The following SV2C variants were observed in gnomAD, a reference collection of about 807,000 sequenced individuals.
SV2C encodes the protein solute carrier family 22 member B3.
A neutral mutation model predicts 79.7 loss-of-function variants in SV2C; 49 were observed. That is an observed-to-expected ratio of 0.61 (90% CI 0.49 to 0.78). SV2C has a LOEUF of 0.78. Among genes scored for constraint, SV2C ranks in the 30% least tolerant of loss-of-function variants. The probability of loss-of-function intolerance (pLI) is 0.00; values close to 1 mark genes in which losing one functional copy is unlikely to be tolerated. For missense variants in SV2C, 833 were observed against 912.9 expected, an observed-to-expected ratio of 0.91 and a Z score of 1.13; for synonymous variants, 334 against 333.2, an observed-to-expected ratio of 1.00 and a Z score of -0.03.
the SV2C span, among the ~76,000 whole-genome samples, chr5:75,896,100 A>G: frequency 1.1e-4 from 17 of 151,864 alleles, 1 homozygote; most frequent in Non-Finnish European, 1.5e-4. Flanking sequence ...TTTAGGGTAC[A>G]TGTGCACAAT....
the SV2C span, among the ~76,000 whole-genome samples, chr5:75,942,981 T>C: frequency 2.6e-5 from 4 of 152,116 alleles, no homozygotes; most frequent in Admixed American, 6.5e-5. Context: ...CTGAGCAACA[T>C]AGTCAGACCC....
At chr5:75,909,780 C>T in the SV2C span, among the ~76,000 whole-genome samples, 120 of 152,198 alleles carry the variant, frequency 7.9e-4, no homozygotes, top group Non-Finnish European at 4.3e-4. Flanking sequence ...TTTCATTTAT[C>T]CTCCCAACTT....
downstream of SV2C, among the ~76,000 whole-genome samples, chr5:76,336,044 CG>C (rs1344535168): frequency 7.3e-6 from 1 of 137,346 alleles, no homozygotes; most frequent in African/African-American, 2.7e-5. Context: ...GCTAGCCGGG[CG>C]GGGGGCTGAC....
chr5:76,334,905 G>C (rs2112580301), downstream of SV2C, among the ~76,000 whole-genome samples: 1 of 152,304 alleles, frequency 6.6e-6, no homozygotes, highest in South Asian at 2.1e-4. Flanking sequence ...AACAAAATGG[G>C]GGGTTTGTAA....
At chr5:76,135,685 T>A (rs1411483638) in intron 2 of SV2C, among the ~76,000 whole-genome samples, 2 of 152,202 alleles carry the variant, frequency 1.3e-5, no homozygotes, top group Non-Finnish European at 2.9e-5. Flanking sequence ...AGTGAAAATG[T>A]GTCCTGCTGA....
the SV2C span, among the ~76,000 whole-genome samples, chr5:76,038,359 G>A: frequency 1.3e-5 from 2 of 152,344 alleles, no homozygotes; most frequent in Non-Finnish European, 2.9e-5. Flanking sequence ...TGCTCTAAAA[G>A]TGGGAATAGT....
At chr5:76,022,594 C>T in the SV2C span, among the ~76,000 whole-genome samples, 12 of 152,244 alleles carry the variant, frequency 7.9e-5, no homozygotes, top group South Asian at 4.2e-4. Flanking sequence ...CCTTCTGTAC[C>T]GGATGCGGTA....
intron 11 of SV2C, 23 bp downstream of exon 11, chr5:76,300,955 A>G (rs1747974826): frequency 6.2e-7 from 1 of 1,612,552 alleles, no homozygotes; most frequent in Admixed American, 1.7e-5. Context: ...TTTCATGTCA[A>G]ATAAAAGAGC....
At chr5:75,942,845 T>C in the SV2C span, among the ~76,000 whole-genome samples, 3 of 152,168 alleles carry the variant, frequency 2.0e-5, no homozygotes, top group African/African-American at 7.2e-5. Context: ...TTTGTTAAGG[T>C]TGACACTGTG....
the SV2C span, among the ~76,000 whole-genome samples, chr5:75,972,845 A>G: frequency 6.6e-6 from 1 of 152,154 alleles, no homozygotes; most frequent in Non-Finnish European, 1.5e-5. Flanking sequence ...CCAAAGGATT[A>G]TAAATCATGC....
the SV2C span, among the ~76,000 whole-genome samples, chr5:75,902,083 G>A: frequency 3.9e-5 from 6 of 152,210 alleles, no homozygotes; most frequent in East Asian, 5.8e-4. Context: ...CGTGCATGGT[G>A]TGCTGCACCC....
intron 4 of SV2C, among the ~76,000 whole-genome samples, chr5:76,252,895 A>G (rs1212830026): frequency 2.6e-5 from 4 of 152,358 alleles, no homozygotes; most frequent in African/African-American, 9.6e-5. Flanking sequence ...ACATGAGCCA[A>G]TTGGGGAAAA....
intron 12 of SV2C, among the ~76,000 whole-genome samples, chr5:76,317,084 A>C (rs1347313067): frequency 6.6e-6 from 1 of 152,204 alleles, no homozygotes; most frequent in African/African-American, 2.4e-5. Flanking sequence ...ATTAAGGACA[A>C]ATCTGCGTAT....
At chr5:76,045,833 G>A in the SV2C span, among the ~76,000 whole-genome samples, 237 of 152,292 alleles carry the variant, frequency 1.6e-3, 3 homozygotes, top group South Asian at 0.025. Flanking sequence ...AAGAAGCTGT[G>A]CTGGGGAGAG....
chr5:76,190,582 G>A (rs1184331978), intron 2 of SV2C, among the ~76,000 whole-genome samples: 1 of 152,132 alleles, frequency 6.6e-6, no homozygotes, highest in Non-Finnish European at 1.5e-5. Flanking sequence ...TGCTAAAATT[G>A]GGCAATGCAG....
the SV2C span, among the ~76,000 whole-genome samples, chr5:76,025,526 T>C: frequency 6.6e-6 from 1 of 152,222 alleles, no homozygotes; most frequent in African/African-American, 2.4e-5. Flanking sequence ...GTGGATGTAG[T>C]AGGAAAACAT....
intron 4 of SV2C, among the ~76,000 whole-genome samples, chr5:76,228,604 G>A (rs943461921): frequency 2.6e-5 from 4 of 152,034 alleles, no homozygotes; most frequent in Admixed American, 6.5e-5. Context: ...ACTCCCCCAG[G>A]GAAAACAAGA....
At chr5:76,001,947 C>T in the SV2C span, among the ~76,000 whole-genome samples, 1 of 151,878 alleles carries the variant, frequency 6.6e-6, no homozygotes, top group Non-Finnish European at 1.5e-5. Context: ...ATTCCTCATC[C>T]CCCTCCCACC....
At chr5:76,204,553 G>A (rs1561263151) in intron 3 of SV2C, among the ~76,000 whole-genome samples, 1 of 152,138 alleles carries the variant, frequency 6.6e-6, no homozygotes, top group Non-Finnish European at 1.5e-5. Context: ...ATTATATGGT[G>A]AAATAAGTTA....
Sources: allele counts gnomAD v4.1 joint callset (sites outside exome capture counted in the v4.1 genomes callset), GRCh38; gene constraint gnomAD v4.1.1; transcripts MANE v1.5; gene names NCBI Gene and HGNC (gene_info 2026-07-23, HGNC 2026-07-21).